Variants in FAM171A1 observed in about 807,000 individuals in gnomAD.
The protein encoded by FAM171A1 is protein FAM171A1.
In FAM171A1, 23 loss-of-function variants were observed where a neutral mutation model predicts 74.9. The ratio of observed to expected loss-of-function variants is 0.31; its 90% CI spans 0.22 to 0.44. FAM171A1 has a LOEUF of 0.44. Among genes scored for constraint, FAM171A1 ranks in the 20% least tolerant of loss-of-function variants. The pLI, the probability that FAM171A1 is intolerant of heterozygous loss-of-function variation, is 1.00. For synonymous variants in FAM171A1, 527 were observed against 505.7 expected (o/e 1.04, Z -0.57); for missense variants, 1,162 against 1,159.2 (o/e 1.00, Z -0.03).
intron 1 of FAM171A1, among the ~76,000 whole-genome samples, chr10:15,300,725 A>G (rs76687686): frequency 0.078 from 11,825 of 152,056 alleles, 498 homozygotes; most frequent in Middle Eastern, 0.12. Flanking sequence ...TACTGCTCTG[A>G]AGCAGAGTTT....
At chr10:15,263,083 C>T (rs1392837484) in intron 3 of FAM171A1, among the ~76,000 whole-genome samples, 1 of 152,176 alleles carries the variant, frequency 6.6e-6, no homozygotes, top group Non-Finnish European at 1.5e-5. Flanking sequence ...ACATGAGGAG[C>T]CAAGCAGAGG....
intron 1 of FAM171A1, among the ~76,000 whole-genome samples, chr10:15,303,648 C>T (rs929412029): frequency 6.6e-6 from 1 of 152,196 alleles, no homozygotes; most frequent in East Asian, 1.9e-4. Flanking sequence ...AGAACAGAGG[C>T]TCCGCCATTA....
chr10:15,216,246 T>A, intron 6 of FAM171A1, 136 bp from the exon 7 acceptor site: 6 of 529,622 alleles, frequency 1.1e-5, no homozygotes, highest in Non-Finnish European at 1.6e-5. Context: ...AAAACGCCCT[T>A]GGATCATGCA....
intron 5 of FAM171A1, among the ~76,000 whole-genome samples, chr10:15,226,891 C>T (rs1018234335): frequency 1.3e-5 from 2 of 152,160 alleles, no homozygotes; most frequent in Admixed American, 6.5e-5. Flanking sequence ...CAGCTTCCCA[C>T]CTGGAGCTGT....
intron 1 of FAM171A1, among the ~76,000 whole-genome samples, chr10:15,319,756 CCTT>C (rs1317972224): frequency 6.6e-6 from 1 of 152,106 alleles, no homozygotes; most frequent in East Asian, 1.9e-4. Context: ...TGAACCTAGA[CCTT>C]CTCAAAAGTC....
At chr10:15,357,760 G>A (rs1444737374) in intron 1 of FAM171A1, among the ~76,000 whole-genome samples, 1 of 152,196 alleles carries the variant, frequency 6.6e-6, no homozygotes, top group Non-Finnish European at 1.5e-5. Context: ...ATGAATAAAT[G>A]AGCAGGTAAG....
intron 1 of FAM171A1, among the ~76,000 whole-genome samples, chr10:15,342,441 T>A (rs7071987): frequency 6.2e-4 from 94 of 152,282 alleles, no homozygotes; most frequent in African/African-American, 1.9e-3. Flanking sequence ...GTGGTAGCGC[T>A]CCTGTAGTCT....
chr10:15,271,156 C>T (rs944493984), intron 3 of FAM171A1, among the ~76,000 whole-genome samples: 6 of 152,104 alleles, frequency 3.9e-5, no homozygotes, highest in Non-Finnish European at 5.9e-5. Context: ...AGACAAATGG[C>T]TAACTAGAAT....
chr10:15,218,204 T>C (rs11259551), intron 6 of FAM171A1, among the ~76,000 whole-genome samples: 33,671 of 151,846 alleles, frequency 0.22, 4,001 homozygotes, highest in African/African-American at 0.31. Context: ...CTCAGCCTCC[T>C]GAGTACCTGG....
rs199915147 is a variant in FAM171A1 at position 15,213,721 on chromosome 10, C to G, written c.1867G>C (p.Ala623Pro). The change falls in exon 8 of 8, where the codon GCC becomes CCC. Residue 623 changes from alanine to proline, a missense_variant. Transcript: ENST00000378116. The surrounding 1 kb of genome is among the most constrained non-coding windows in gnomAD (Gnocchi z 6.8). ...RLQAELSNPHAGIFPHPSSQI... is the reference protein window; with the variant it reads ...RLQAELSNPHPGIFPHPSSQI... ...GAGGACGGGTGTGGGAAGATCCCGGCATGGGGATTGGACAGCTCAGCCTGT... is the reference window on the plus strand; with the variant it reads ...GAGGACGGGTGTGGGAAGATCCCGGGATGGGGATTGGACAGCTCAGCCTGT... 1 of 1,612,276 alleles carries G rather than the reference C, an allele frequency of 6.2e-7. No homozygotes were observed. Among genetic ancestry groups the G allele is most frequent in the East Asian group, 2.2e-5 (1 of 44,848 alleles).
intron 1 of FAM171A1, among the ~76,000 whole-genome samples, chr10:15,352,632 G>A (rs1392557902): frequency 1.3e-5 from 2 of 152,226 alleles, no homozygotes; most frequent in Non-Finnish European, 2.9e-5. Context: ...TGAGGTTCAA[G>A]TAGGTGAAGA....
intron 4 of FAM171A1, among the ~76,000 whole-genome samples, chr10:15,252,793 A>G (rs1244341769): frequency 6.6e-6 from 1 of 152,150 alleles, no homozygotes; most frequent in African/African-American, 2.4e-5. Flanking sequence ...AAATAGGACA[A>G]ACTCCTCTAA....
rs1564612720 is a variant in FAM171A1, at chr10:15,216,061, C to T, written c.921G>A (p.Leu307=). 1 of 1,611,364 alleles carries T rather than the reference C, an allele frequency of 6.2e-7. No homozygotes were observed. The highest frequency in any genetic ancestry group is 8.5e-7 in the Non-Finnish European group (1 of 1,179,600). ...TGAAAGCCATTCCTCCTAAAATGGC[C>T]AAAAGAAACACCGTGTGATACGTGG... ...DITTYHTVFL[L]AILGGMAFIL... Residue 307 remains leucine, a synonymous_variant, in exon 7 of 8, where the codon TTG becomes TTA. Transcript: ENST00000378116.
At chr10:15,325,136 A>G (rs1835535838) in intron 1 of FAM171A1, among the ~76,000 whole-genome samples, 1 of 152,182 alleles carries the variant, frequency 6.6e-6, no homozygotes, top group East Asian at 1.9e-4. Flanking sequence ...TTGGTGCAAA[A>G]TGTATGCAGA....
chr10:15,228,575 C>A (rs75800471), intron 5 of FAM171A1, among the ~76,000 whole-genome samples: 22,519 of 152,112 alleles, frequency 0.15, 1,776 homozygotes, highest in Middle Eastern at 0.19. Context: ...AACTCCTGGG[C>A]TCAAGTGATC....
intron 1 of FAM171A1, among the ~76,000 whole-genome samples, chr10:15,316,894 G>A (rs996572491): frequency 7.2e-5 from 11 of 152,100 alleles, no homozygotes; most frequent in African/African-American, 2.4e-4. Flanking sequence ...ACAGACTCAC[G>A]CATTCTCCAG....
intron 1 of FAM171A1, among the ~76,000 whole-genome samples, chr10:15,303,964 G>A (rs906818687): frequency 2.0e-5 from 3 of 152,256 alleles, no homozygotes; most frequent in African/African-American, 7.2e-5. Flanking sequence ...TGGAGAAAGT[G>A]TCGTTTGTGC....
In FAM171A1 at chr10:15,371,267, T is replaced by G. The variant is rs989496877; in HGVS notation, c.-215A>C. Among the ~76,000 whole-genome samples, 7 of 111,198 alleles carry G rather than the reference T, an allele frequency of 6.3e-5. No individual in the cohort carries two copies. The highest frequency in any genetic ancestry group is 1.0e-4 in the Non-Finnish European group (5 of 49,750). 73.0% of individuals were successfully genotyped at this position (111,198 alleles called of 152,430 possible). A position where few individuals can be genotyped will look rare whatever the true frequency, so the allele number is the denominator to read the frequency against. Reference sequence around the variant, plus strand: ...CCGCGGCGGCGGCGGCGGCGGCGGCTGCTGCTGCTCCGCCAGCTCCTTAAC... The same window carrying G: ...CCGCGGCGGCGGCGGCGGCGGCGGCGGCTGCTGCTCCGCCAGCTCCTTAAC... On this transcript the variant is annotated 5_prime_UTR_variant, in exon 1 of 8. Transcript: ENST00000378116.
chr10:15,229,612 TCACCATTGTCACCCC>T (rs1834162404), intron 5 of FAM171A1, among the ~76,000 whole-genome samples: 2 of 116,148 alleles, frequency 1.7e-5, no homozygotes, highest in South Asian at 2.7e-4. Context: ...ATCACCATCA[TCACCATTGTCACCCC>T]CATCACCATC....
Sources: allele counts gnomAD v4.1 joint callset (sites outside exome capture counted in the v4.1 genomes callset), GRCh38; gene constraint gnomAD v4.1.1; non-coding constraint Gnocchi (gnomAD v3.1); transcripts MANE v1.5; gene names NCBI Gene and HGNC (gene_info 2026-07-23, HGNC 2026-07-21).